ACSS2: variants seen among roughly 807,000 people sequenced by gnomAD.
ACSS2 encodes acyl-CoA synthetase short chain family member 2.
A neutral mutation model predicts 90.6 loss-of-function variants in ACSS2; 58 were observed. That is an observed-to-expected ratio of 0.64 (90% CI 0.52 to 0.80). ACSS2 has a LOEUF of 0.80. ACSS2 is among the 30% of genes least tolerant of loss of function. The pLI is 0.00. For synonymous variants in ACSS2, 300 were observed against 330.9 expected (o/e 0.91, Z 1.01); for missense variants, 759 against 912.0 (o/e 0.83, Z 2.16).
Position 34,888,131 on chromosome 20 carries a change from C to T in ACSS2, c.374+5142C>T, listed in dbSNP as rs1023642924. On this transcript the variant is annotated intron_variant, in intron 2 of 17. Coordinates refer to ENST00000360596, the MANE Select transcript of ACSS2 (RefSeq NM_018677.4). Reference sequence around the variant, plus strand: ...GGGCCAAACTGCAAAGAGCTACTTACACAAATAGTTCACAGAAAGGAAAAA... The same window carrying T: ...GGGCCAAACTGCAAAGAGCTACTTATACAAATAGTTCACAGAAAGGAAAAA... Among the ~76,000 whole-genome samples, 3 of 138,794 alleles carry T rather than the reference C, an allele frequency of 2.2e-5. No individual in the cohort carries two copies. The South Asian group carries it at 7.3e-4, about 34-fold the overall frequency. The allele number at this position is 138,794 out of a possible 152,430, so 91.1% of individuals were successfully genotyped here.
At chr20:34,909,162 A>G (rs949830040) in intron 2 of ACSS2, among the ~76,000 whole-genome samples, 2 of 145,198 alleles carry the variant, frequency 1.4e-5, no homozygotes, top group Admixed American at 1.4e-4. Context: ...GTTCCAGACT[A>G]GCCTGAGCAA....
intron 7 of ACSS2, among the ~76,000 whole-genome samples, chr20:34,917,408 C>T (rs767752438): frequency 1.3e-5 from 2 of 152,130 alleles, no homozygotes; most frequent in South Asian, 2.1e-4. Flanking sequence ...CTAGGCTTGT[C>T]GTTTTTATGA....
In ACSS2 at chr20:34,926,176, G is replaced by A. The variant is rs199960234; in HGVS notation, c.1798G>A (p.Val600Met). 2.5e-6 allele frequency: 4 copies of A among 1,614,096 alleles called. No homozygotes were observed. The highest frequency in any genetic ancestry group is 1.3e-5 in the African/African-American group (1 of 74,926). ...TGAGGCTGTTGCAGAGGCAGCTGTG[G>A]TGGGCCACCCTCATCCTGTGAAGGG... ...EHEAVAEAAV[V>M]GHPHPVKGEC... Residue 600 changes from valine to methionine, a missense_variant, in exon 16 of 18, where the codon GTG becomes ATG. Val to Met is a conservative substitution (Grantham distance 21, BLOSUM62 1). Coordinates refer to ENST00000360596, the MANE Select transcript of ACSS2 (RefSeq NM_018677.4).
At chr20:34,911,796 T>C (rs933418924) in intron 2 of ACSS2, among the ~76,000 whole-genome samples, 1 of 152,200 alleles carries the variant, frequency 6.6e-6, no homozygotes, top group African/African-American at 2.4e-5. Context: ...ATCTTACTTA[T>C]GTTGTTCATT....
rs1365813923 is a variant in ACSS2 at position 34,899,072 on chromosome 20, C to T, written c.375-14024C>T. Reference sequence around the variant, plus strand: ...TGCTAAGCCCCTCATTGCCTGGGGCCGGCAGGGCCGGCCGGCTGCTCCGAG... The same window carrying T: ...TGCTAAGCCCCTCATTGCCTGGGGCTGGCAGGGCCGGCCGGCTGCTCCGAG... On this transcript the variant is annotated intron_variant, in intron 2 of 17. Transcript: ENST00000360596. Among the ~76,000 whole-genome samples, 6 of 152,320 alleles carry T rather than the reference C, an allele frequency of 3.9e-5. No individual in the cohort carries two copies. The South Asian group carries it at 1.2e-3, about 32-fold the overall frequency.
chr20:34,914,447 G>T lies in ACSS2; in HGVS notation c.834+10G>T. 1.3e-6 allele frequency: 2 copies of T among 1,592,064 alleles called. No homozygotes were observed. ...ATGCCCAGATGTGCAGGTGAGTCTG[G>T]CACTGCTATGCCTTTCTCCAGGCTC... On this transcript the variant is annotated intron_variant, in intron 7 of 17. Coordinates refer to ENST00000360596, the MANE Select transcript of ACSS2 (RefSeq NM_018677.4).
intron 1 of ACSS2, among the ~76,000 whole-genome samples, 156 bp downstream of exon 1, chr20:34,876,979 T>C (rs1313201768): frequency 2.0e-5 from 3 of 152,094 alleles, no homozygotes; most frequent in Admixed American, 6.5e-5. Context: ...GGAAAAGGGA[T>C]TCCGGGAGGA....
chr20:34,877,818 C>A (rs1407657368), intron 1 of ACSS2, among the ~76,000 whole-genome samples: 9 of 91,218 alleles, frequency 9.9e-5, no homozygotes, highest in Admixed American at 4.5e-4. Context: ...GACTTTGTCT[C>A]AAAAAAAAAA....
chr20:34,893,017 A>T (rs1430812486), intron 2 of ACSS2, among the ~76,000 whole-genome samples: 1 of 152,212 alleles, frequency 6.6e-6, no homozygotes, highest in Non-Finnish European at 1.5e-5. Context: ...CTCATTAAGT[A>T]TTCCAGCTAT....
intron 2 of ACSS2, among the ~76,000 whole-genome samples, chr20:34,905,454 A>G (rs2080776428): frequency 6.6e-6 from 1 of 151,664 alleles, no homozygotes; most frequent in Non-Finnish European, 1.5e-5. Context: ...TTGTATTTTT[A>G]GTAGAGATGG....
chr20:34,910,997 C>T (rs923097061), intron 2 of ACSS2, among the ~76,000 whole-genome samples: 3 of 151,520 alleles, frequency 2.0e-5, no homozygotes, highest in Admixed American at 6.6e-5. Flanking sequence ...TAATTGAAAA[C>T]GATTTTTTTT....
At position 34,927,386 on chromosome 20, in the gene ACSS2, C is replaced by A; in HGVS notation, c.*172C>A. 1 of 880,046 alleles carries A rather than the reference C, an allele frequency of 1.1e-6. No individual in the cohort carries two copies. The highest frequency in any genetic ancestry group is 1.7e-6 in the Non-Finnish European group (1 of 572,538). 54.5% of individuals were successfully genotyped at this position (880,046 alleles called of 1,614,324 possible). A position where few individuals can be genotyped will look rare whatever the true frequency, so the allele number is the denominator to read the frequency against. On this transcript the variant is annotated 3_prime_UTR_variant, in exon 18 of 18. Coordinates refer to ENST00000360596, the MANE Select transcript of ACSS2 (RefSeq NM_018677.4). This position sits in a 1 kb window ranked among gnomAD's most constrained non-coding sequence, Gnocchi z 4.2. The stretch of plus-strand genomic sequence containing the variant: ...GGTAGAGACAACATCCTGTGACTGC[C>A]AGGCAGAAAGGACAGGGCCCAGGTC...
At chr20:34,877,869 T>C (rs2079961203) in intron 1 of ACSS2, among the ~76,000 whole-genome samples, 1 of 137,084 alleles carries the variant, frequency 7.3e-6, no homozygotes, top group Non-Finnish European at 1.6e-5. Flanking sequence ...AAAATCCCCC[T>C]ACCCTTGCCC....
chr20:34,879,150 CGCCTCG>C (rs781456860), intron 1 of ACSS2, among the ~76,000 whole-genome samples: 12 of 151,968 alleles, frequency 7.9e-5, no homozygotes, highest in Middle Eastern at 3.4e-3. Context: ...GTGATCCGCC[CGCCTCG>C]GCCTCCCAAA....
chr20:34,918,476 GA>G (rs1320185823), intron 7 of ACSS2, among the ~76,000 whole-genome samples: 1 of 152,200 alleles, frequency 6.6e-6, no homozygotes, highest in East Asian at 1.9e-4. Context: ...GACAGATCCA[GA>G]AGTAATTATC....
chr20:34,909,390 A>G (rs988842337), intron 2 of ACSS2, among the ~76,000 whole-genome samples: 2 of 152,102 alleles, frequency 1.3e-5, no homozygotes, highest in Non-Finnish European at 2.9e-5. Flanking sequence ...AACAACAAAT[A>G]AAAAAGAGAA....
chr20:34,878,304 C>T (rs528727934), intron 1 of ACSS2, among the ~76,000 whole-genome samples: 113 of 152,240 alleles, frequency 7.4e-4, no homozygotes, highest in Admixed American at 1.7e-3. Context: ...ACATGGGCCA[C>T]GAATCAAATC....
At chr20:34,916,780 G>A (rs191974235) in intron 7 of ACSS2, among the ~76,000 whole-genome samples, 26 of 152,128 alleles carry the variant, frequency 1.7e-4, no homozygotes, top group Admixed American at 1.2e-3. Flanking sequence ...ATCTTCCAGG[G>A]AGATCCTGGC....
intron 1 of ACSS2, among the ~76,000 whole-genome samples, chr20:34,877,533 A>G (rs916983048): frequency 3.9e-5 from 6 of 152,034 alleles, no homozygotes; most frequent in African/African-American, 1.2e-4. Flanking sequence ...TATGAGGAAA[A>G]TCGGCCAGGA....
Sources: gnomAD v4.1 joint callset for allele counts (sites outside exome capture counted in the v4.1 genomes callset) on GRCh38, gnomAD v4.1.1 for gene constraint, Gnocchi (gnomAD v3.1) non-coding constraint, MANE v1.5 for transcripts, NCBI Gene and HGNC (gene_info 2026-07-23, HGNC 2026-07-21) for gene names.